The following EFHB variants were observed in gnomAD, a reference collection of about 807,000 sequenced individuals.
The protein encoded by EFHB is EF-hand domain family member B.
EFHB carries 91 observed loss-of-function variants against 87.2 expected under a neutral mutation model. That is an observed-to-expected ratio of 1.04 (90% CI 0.88 to 1.24). The LOEUF is 1.24. Among genes scored for constraint, EFHB ranks in the 50% most tolerant of loss-of-function variants. The pLI is 0.00. For missense variants in EFHB, 1,084 were observed against 998.8 expected (o/e 1.09, Z -1.15); for synonymous variants, 325 against 333.6 (o/e 0.97, Z 0.28).
intron 1 of EFHB, among the ~76,000 whole-genome samples, chr3:19,929,591 T>C (rs1181861064): frequency 6.7e-6 from 1 of 150,334 alleles, no homozygotes; most frequent in African/African-American, 2.4e-5. Flanking sequence ...CACCTGTAAT[T>C]CCAGCCACTC....
At chr3:19,906,179 A>G (rs1195378140) in intron 5 of EFHB, among the ~76,000 whole-genome samples, 6 of 152,112 alleles carry the variant, frequency 3.9e-5, no homozygotes, top group Non-Finnish European at 7.4e-5. Flanking sequence ...AAATTCAAAA[A>G]TTAGCTGGTC....
chr3:19,915,633 T>C (rs1346626534), intron 4 of EFHB, among the ~76,000 whole-genome samples: 1 of 151,988 alleles, frequency 6.6e-6, no homozygotes, highest in Non-Finnish European at 1.5e-5. Flanking sequence ...AACTCTATTA[T>C]CACTGGCTGG....
At chr3:19,937,624 A>G (rs984362650), upstream of EFHB, among the ~76,000 whole-genome samples, 4 of 152,102 alleles carry the variant, frequency 2.6e-5, no homozygotes, top group African/African-American at 9.7e-5. Flanking sequence ...ACCACACTTA[A>G]CAGTCAACAT....
chr3:19,898,134 G>T (rs894402594), intron 8 of EFHB, among the ~76,000 whole-genome samples: 5 of 152,144 alleles, frequency 3.3e-5, no homozygotes, highest in African/African-American at 1.2e-4. Flanking sequence ...TTGGATATCT[G>T]CTGTTTAGAT....
chr3:19,884,387 C>G lies in EFHB; in HGVS notation c.2146+16G>C. 1 of 1,608,286 alleles carries G rather than the reference C, an allele frequency of 6.2e-7. No individual in the cohort carries two copies. Among genetic ancestry groups the G allele is most frequent in the South Asian group, 1.1e-5 (1 of 90,344 alleles). Reference sequence around the variant, plus strand: ...GTTTGTTGATGCTTTTAAAACTTGACAAATAAGTGACATACAAGTAGAAGG... The same window carrying G: ...GTTTGTTGATGCTTTTAAAACTTGAGAAATAAGTGACATACAAGTAGAAGG... On this transcript the variant is annotated intron_variant, in intron 11 of 12. Transcript: ENST00000295824.
chr3:19,943,183 G>T, intron 1 of EFHB: 1 of 260,836 alleles, frequency 3.8e-6, no homozygotes. Context: ...TTCAGTATCA[G>T]TAAAGGTGAC....
In EFHB at chr3:19,933,417, C is replaced by G; in HGVS notation, c.602G>C (p.Gly201Ala). The G allele has an allele frequency of 1.9e-6, 3 of 1,613,966 alleles. No homozygotes were observed. The highest frequency in any genetic ancestry group is 2.5e-6 in the Non-Finnish European group (3 of 1,179,882). Residue 201 changes from glycine to alanine, a missense_variant, in exon 1 of 13, where the codon GGG (glycine) becomes GCG (alanine). Transcript: ENST00000295824. ...EVDIGLTQAE[G>A]PDETKNTEPQ... ...CTCTGTATTCTTAGTCTCATCTGGC[C>G]CCTCGGCTTGGGTTAGTCCAATGTC...
At chr3:19,940,530 A>T (rs1696132646) in intron 1 of EFHB, 7 of 506,452 alleles carry the variant, frequency 1.4e-5, no homozygotes, top group South Asian at 9.9e-5. Context: ...CATCTTCAAC[A>T]GTTGCTTCCA....
intron 8 of EFHB, among the ~76,000 whole-genome samples, chr3:19,898,351 T>C (rs1190193389): frequency 6.6e-6 from 1 of 152,198 alleles, no homozygotes; most frequent in Non-Finnish European, 1.5e-5. Context: ...GATTCAATAG[T>C]TCTGGGATGG....
At chr3:19,944,071 G>A (rs1466334881) in intron 1 of EFHB, among the ~76,000 whole-genome samples, 2 of 152,190 alleles carry the variant, frequency 1.3e-5, no homozygotes, top group Non-Finnish European at 2.9e-5. Flanking sequence ...ACTAGCTTAA[G>A]TTTTCACAGC....
intron 9 of EFHB, among the ~76,000 whole-genome samples, chr3:19,889,873 G>A (rs942849566): frequency 1.4e-4 from 21 of 152,256 alleles, no homozygotes; most frequent in Non-Finnish European, 2.6e-4. Context: ...TGTAATCCCA[G>A]CTACTCGGGA....
intron 1 of EFHB, among the ~76,000 whole-genome samples, chr3:19,942,677 TGGA>T (rs1003199216): frequency 1.3e-5 from 2 of 152,208 alleles, no homozygotes; most frequent in Non-Finnish European, 2.9e-5. Flanking sequence ...CGGTCCCATC[TGGA>T]GGTGATGGAA....
intron 8 of EFHB, among the ~76,000 whole-genome samples, 181 bp from the exon 9 acceptor site, chr3:19,897,022 A>C (rs1444343818): frequency 6.6e-6 from 1 of 152,202 alleles, no homozygotes; most frequent in Non-Finnish European, 1.5e-5. Flanking sequence ...TTAATTGATA[A>C]AAATTAATAT....
chr3:19,909,672 G>A (rs1694988753), intron 5 of EFHB, among the ~76,000 whole-genome samples: 1 of 152,086 alleles, frequency 6.6e-6, no homozygotes, highest in Admixed American at 6.6e-5. Context: ...GCTCCAAAAG[G>A]GACCCCTTCC....
At chr3:19,939,640 T>C (rs536985276) in intron 1 of EFHB, among the ~76,000 whole-genome samples, 1 of 152,214 alleles carries the variant, frequency 6.6e-6, no homozygotes, top group East Asian at 1.9e-4. Flanking sequence ...CGCCTCGACC[T>C]CCCAGAGTGC....
At chr3:19,896,639 G>C in intron 9 of EFHB, 48 bp downstream of exon 9, 1 of 1,612,942 alleles carries the variant, frequency 6.2e-7, no homozygotes, top group Non-Finnish European at 8.5e-7. Flanking sequence ...CAAACTGCTG[G>C]GATCTGTAAG....
chr3:19,934,316 A>ATTCTTCTCTCTCTCTCTCTC, upstream of EFHB: 1 of 1,114,870 alleles, frequency 9.0e-7, no homozygotes, highest in Middle Eastern at 3.5e-4. Context: ...TCTCTCTCTC[A>ATTCTTCTCTCTCTCTCTCTC]ATCTCTCTCT....
chr3:19,940,039 T>A (rs1696120938), intron 1 of EFHB, among the ~76,000 whole-genome samples: 1 of 152,226 alleles, frequency 6.6e-6, no homozygotes, highest in Non-Finnish European at 1.5e-5. Flanking sequence ...CTACTCAATT[T>A]CCTGCCCCAG....
chr3:19,908,580 GAGAGAGAGAGAGAGAGAGAGAA>G (rs1559459554), intron 5 of EFHB, among the ~76,000 whole-genome samples: 2 of 117,786 alleles, frequency 1.7e-5, no homozygotes, highest in African/African-American at 7.6e-5. Context: ...GAGAGAGAGA[GAGAGAGAGAGAGAGAGAGAGAA>G]AGAAAGAAAG....
Sources: gnomAD v4.1 joint callset for allele counts (sites outside exome capture counted in the v4.1 genomes callset) on GRCh38, gnomAD v4.1.1 for gene constraint, MANE v1.5 for transcripts, NCBI Gene and HGNC (gene_info 2026-07-23, HGNC 2026-07-21) for gene names.